The following RNF40 variants were observed in gnomAD, a reference collection of about 807,000 sequenced individuals.
The protein encoded by RNF40 is ring finger protein 40.
RNF40 carries 39 observed loss-of-function variants against 123.3 expected under a neutral mutation model. The ratio of observed to expected loss-of-function variants is 0.32; its 90% confidence interval spans 0.24 to 0.41. The LOEUF (loss-of-function observed/expected upper bound fraction) is 0.41, where lower values mean the gene tolerates loss of function less well. Among genes scored for constraint, RNF40 ranks in the 10% least tolerant of loss-of-function variants. RNF40 has a pLI of 1.00. For missense variants in RNF40, 1,003 were observed against 1,319.9 expected (o/e 0.76, Z 3.72); for synonymous variants, 538 against 526.0 (o/e 1.02, Z -0.31).
At position 30,766,621 on chromosome 16, in the gene RNF40, T is replaced by C. The variant is rs1456701899; in HGVS notation, c.1293+63T>C. 6.3e-7 allele frequency: 1 copy of C among 1,581,614 alleles called. No individual in the cohort carries two copies. Among genetic ancestry groups the C allele is most frequent in the East Asian group, 2.2e-5 (1 of 44,486 alleles). Reference sequence around the variant, plus strand: ...GCCAAACCGTTAGTGTTGACGTGTTTGTGCCTTCCGAGGCCCTGTGTGCCA... The same window carrying C: ...GCCAAACCGTTAGTGTTGACGTGTTCGTGCCTTCCGAGGCCCTGTGTGCCA... On this transcript the variant is annotated intron_variant, in intron 10 of 19. Coordinates refer to ENST00000324685, the MANE Select transcript of RNF40 (RefSeq NM_014771.4). This position sits in a 1 kb window ranked among gnomAD's most constrained non-coding sequence, Gnocchi z 5.4.
Position 30,773,954 on chromosome 16 carries a change from C to T in RNF40, c.2846C>T (p.Pro949Leu), listed in dbSNP as rs751954816. Residue 949 changes from proline (P) to leucine (L), a missense_variant, in exon 20 of 20, where the codon CCC becomes CTC. This residue lies in a region of RNF40 where 76 missense variants were observed against 134.1 expected (regional missense o/e 0.57). Coordinates refer to ENST00000324685, the MANE Select transcript of RNF40 (RefSeq NM_014771.4). ...IKEYKARLTC[P>L]CCNTRKKDAV... ...CTGGCCCAGGCGCGGTTGACCTGCC[C>T]CTGCTGTAACACCCGCAAGAAGGAT... The T allele has an allele frequency of 1.9e-5, 31 of 1,612,710 alleles. No homozygotes were observed. Among genetic ancestry groups the T allele is most frequent in the Non-Finnish European group, 2.5e-5 (29 of 1,178,954 alleles).
chr16:30,765,077 T>A lies in RNF40; in HGVS notation c.771+18T>A. 6.2e-7 allele frequency: 1 copy of A among 1,612,938 alleles called. No homozygotes were observed. Among genetic ancestry groups the A allele is most frequent in the Non-Finnish European group, 8.5e-7 (1 of 1,179,268 alleles). On this transcript the variant is annotated intron_variant, in intron 6 of 19. Transcript: ENST00000324685. ...CATTGGAGGTGAGGAGCCGGGGGCT[T>A]TGGGGGTGTGATTAGAATCAGGCAG...
In RNF40 at chr16:30,766,034, G is replaced by T; in HGVS notation, c.994-129G>T. The T allele has an allele frequency of 7.6e-7, 1 of 1,313,004 alleles. No homozygotes were observed. The highest frequency in any genetic ancestry group is 1.1e-6 in the Non-Finnish European group (1 of 930,320). 81.3% of individuals were successfully genotyped at this position (1,313,004 alleles called of 1,614,324 possible). A position where few individuals can be genotyped will look rare whatever the true frequency, so the allele number is the denominator to read the frequency against. Reference sequence around the variant, plus strand: ...TCTGGGAGCCCTTAGGAAAGTACTTGGTTTGGGGTGTCAGAATCGATCATT... The same window carrying T: ...TCTGGGAGCCCTTAGGAAAGTACTTTGTTTGGGGTGTCAGAATCGATCATT... On this transcript the variant is annotated intron_variant, in intron 8 of 19. Coordinates refer to ENST00000324685, the MANE Select transcript of RNF40 (RefSeq NM_014771.4). This position sits in a 1 kb window ranked among gnomAD's most constrained non-coding sequence, Gnocchi z 5.4.
chr16:30,769,278 G>A lies in RNF40; in HGVS notation c.2340G>A (p.Arg780=). The part of the protein sequence containing the change: ...EQNGRLLQQL[R]EKDDANFKLM... Reference sequence around the variant, plus strand: ...ACGGGCGGCTGCTACAGCAGTTGCGGGAAAAGGATGATGCCAACTTTAAGC... The same window carrying A: ...ACGGGCGGCTGCTACAGCAGTTGCGAGAAAAGGATGATGCCAACTTTAAGC... The change falls in exon 16 of 20, where the codon CGG becomes CGA. Residue 780 remains arginine, a synonymous_variant. Coordinates refer to ENST00000324685, the MANE Select transcript of RNF40 (RefSeq NM_014771.4). The A allele has an allele frequency of 6.2e-7, 1 of 1,614,218 alleles. No homozygotes were observed. The highest frequency in any genetic ancestry group is 8.5e-7 in the Non-Finnish European group (1 of 1,180,032).
At chr16:30,769,725 C>T in intron 17 of RNF40, 125 bp downstream of exon 17, 2 of 1,065,212 alleles carry the variant, frequency 1.9e-6, no homozygotes, top group Non-Finnish European at 2.6e-6. Flanking sequence ...ACAGCTCACA[C>T]ATATTGAACA....
At position 30,766,345 on chromosome 16, in the gene RNF40, T is replaced by G; in HGVS notation, c.1114-34T>G. On this transcript the variant is annotated intron_variant, in intron 9 of 19. Transcript: ENST00000324685. This position sits in a 1 kb window ranked among gnomAD's most constrained non-coding sequence, Gnocchi z 5.4. Reference sequence around the variant, plus strand: ...AAGGGAGGGACTGAGCCCTGAATCCTGTTGCTGATCCCATTTGGGCATCCC... The same window carrying G: ...AAGGGAGGGACTGAGCCCTGAATCCGGTTGCTGATCCCATTTGGGCATCCC... The G allele has an allele frequency of 1.9e-6, 3 of 1,612,472 alleles. No individual in the cohort carries two copies. Among genetic ancestry groups the G allele is most frequent in the Middle Eastern group, 3.3e-4 (2 of 6,056 alleles).
Position 30,775,301 on chromosome 16 carries a change from C to A in RNF40, c.*1187C>A. On this transcript the variant is annotated 3_prime_UTR_variant, in exon 20 of 20. Transcript: ENST00000324685. ...GCCTGGGAGGGCTCAGACTTAACGG[C>A]CGGCAGGGATCCCGGACTGGGCCTG... The A allele has an allele frequency of 3.3e-6, 1 of 301,192 alleles. No individual in the cohort carries two copies. Among genetic ancestry groups the A allele is most frequent in the Non-Finnish European group, 6.5e-6 (1 of 153,996 alleles). 18.7% of individuals were successfully genotyped at this position (301,192 alleles called of 1,614,324 possible).
chr16:30,765,372 G>A (rs775347995), intron 7 of RNF40, 45 bp downstream of exon 7: 1 of 1,614,056 alleles, frequency 6.2e-7, no homozygotes. Flanking sequence ...CTGGGCCCTT[G>A]GGCCTTAGCT....
Position 30,763,132 on chromosome 16 carries a change from G to A in RNF40, c.147G>A (p.Leu49=), listed in dbSNP as rs1338745019. 1.9e-6 allele frequency: 3 copies of A among 1,613,770 alleles called. No homozygotes were observed. The highest frequency in any genetic ancestry group is 1.7e-5 in the Admixed American group (1 of 60,004). The part of the protein sequence containing the change: ...GGISSTEEMD[L]KVLQFKNKKL... ...TCCTTTGGTAGGAGGAGATGGACCT[G>A]AAGGTACTACAGTTCAAGAACAAGA... The change falls in exon 3 of 20, where the codon CTG becomes CTA. Residue 49 remains leucine, a synonymous_variant. Transcript: ENST00000324685.
At chr16:30,771,549 G>A (rs1286643312) in intron 17 of RNF40, among the ~76,000 whole-genome samples, 10 of 152,092 alleles carry the variant, frequency 6.6e-5, no homozygotes, top group African/African-American at 1.9e-4. Context: ...CCCAGGAGTC[G>A]GAGGTTGCAG....
Position 30,766,588 on chromosome 16 carries a change from G to A in RNF40, c.1293+30G>A. 1 of 1,592,220 alleles carries A rather than the reference G, an allele frequency of 6.3e-7. No homozygotes were observed. Among genetic ancestry groups the A allele is most frequent in the Non-Finnish European group, 8.6e-7 (1 of 1,167,138 alleles). On this transcript the variant is annotated intron_variant, in intron 10 of 19. Transcript: ENST00000324685. This position sits in a 1 kb window ranked among gnomAD's most constrained non-coding sequence, Gnocchi z 5.4. ...GGCCCTGGAACAGGCGTTAGGGCTGGGCTAAGGGCCAAACCGTTAGTGTTG... is the reference window on the plus strand; with the variant it reads ...GGCCCTGGAACAGGCGTTAGGGCTGAGCTAAGGGCCAAACCGTTAGTGTTG...
At chr16:30,769,753 A>C (rs1456438079) in intron 17 of RNF40, among the ~76,000 whole-genome samples, 153 bp downstream of exon 17, 1 of 152,176 alleles carries the variant, frequency 6.6e-6, no homozygotes, top group East Asian at 1.9e-4. Flanking sequence ...GTGCCAGACC[A>C]CATGCTGAGT....
In RNF40 at chr16:30,763,497, C is replaced by G; in HGVS notation, c.380C>G (p.Thr127Ser). The change falls in exon 4 of 20, where the codon ACC becomes AGC. Residue 127 changes from threonine (T) to serine (S), a missense_variant. Coordinates refer to ENST00000324685, the MANE Select transcript of RNF40 (RefSeq NM_014771.4). ...TCTTCAGCGCCTGAGGCACCTGGGA[C>G]CCAGGAGGGGCCAACATGTGATGGG... ...ELSSAPEAPG[T>S]QEGPTCDGTP... is the part of the protein sequence containing the mutation. 3 of 1,614,016 alleles carry G rather than the reference C, an allele frequency of 1.9e-6. No individual in the cohort carries two copies. The highest frequency in any genetic ancestry group is 2.5e-6 in the Non-Finnish European group (3 of 1,179,976).
chr16:30,772,819 G>A (rs1380114984), intron 19 of RNF40, among the ~76,000 whole-genome samples: 1 of 152,190 alleles, frequency 6.6e-6, no homozygotes, highest in Admixed American at 6.5e-5. Context: ...TGTTGGTTTT[G>A]GGCTGGAAGA....
rs1213578441 is a variant in RNF40, at chr16:30,762,355, C to T, written c.-77C>T. On this transcript the variant is annotated 5_prime_UTR_variant, in exon 1 of 20. Coordinates refer to ENST00000324685, the MANE Select transcript of RNF40 (RefSeq NM_014771.4). ...AGATGGCGGCGCTAGGCTGACCCTCCTGCTGGTGAGGGCTCTGGCGCCGGG... is the reference window on the plus strand; with the variant it reads ...AGATGGCGGCGCTAGGCTGACCCTCTTGCTGGTGAGGGCTCTGGCGCCGGG... The T allele has an allele frequency of 3.5e-6, 2 of 575,066 alleles. No individual in the cohort carries two copies. Among genetic ancestry groups the T allele is most frequent in the Non-Finnish European group, 5.8e-6 (2 of 347,318 alleles). 35.6% of individuals were successfully genotyped at this position (575,066 alleles called of 1,614,324 possible).
At chr16:30,764,800 T>TA in intron 5 of RNF40, 138 bp from the exon 6 acceptor site, 1 of 1,260,014 alleles carries the variant, frequency 7.9e-7, no homozygotes, top group Non-Finnish European at 1.1e-6. Context: ...GCAGTGGGGA[T>TA]AAAGACTCCT....
intron 4 of RNF40, 72 bp downstream of exon 4, chr16:30,763,631 G>T: frequency 6.6e-7 from 1 of 1,524,554 alleles, no homozygotes; most frequent in Non-Finnish European, 8.9e-7. Flanking sequence ...GGACTTTGGT[G>T]TTGGGCCCCT....
At position 30,763,448 on chromosome 16, in the gene RNF40, T is replaced by C; in HGVS notation, c.331T>C (p.Cys111Arg). Residue 111 changes from cysteine (C) to arginine (R), a missense_variant, in exon 4 of 20, where the codon TGC becomes CGC. Physicochemically the swap from Cys to Arg is radical, Grantham distance 180. Transcript: ENST00000324685. ...TGAAACTGTGGAAGCCCTTCTCCGA[T>C]GCCATGAGAGCCAGGGGGAGCTGTC... Reference protein sequence around the residue: ...LDETVEALLRCHESQGELSSA... With the variant: ...LDETVEALLRRHESQGELSSA... The C allele has an allele frequency of 7.5e-6, 12 of 1,609,596 alleles. No individual in the cohort carries two copies. Among genetic ancestry groups the C allele is most frequent in the Non-Finnish European group, 1.0e-5 (12 of 1,178,216 alleles).
rs191498731 is a variant in RNF40, at chr16:30,770,924, C to A, written c.2587-909C>A. 2.5e-3 allele frequency among the ~76,000 whole-genome samples: 374 copies of A among 152,254 alleles called. 3 individuals are homozygous for A. The highest frequency in any genetic ancestry group is 2.2e-3 in the Non-Finnish European group (149 of 68,022). The stretch of plus-strand genomic sequence containing the variant: ...ACGGGGTTTCACTGTGTTTGCCAGG[C>A]TGGTCTCAAACTCCTGACATCGTGA... On this transcript the variant is annotated intron_variant, in intron 17 of 19. Transcript: ENST00000324685.
Sources: allele counts gnomAD v4.1 joint callset (sites outside exome capture counted in the v4.1 genomes callset), GRCh38; gene constraint gnomAD v4.1.1; regional missense constraint gnomAD v4.1.1; non-coding constraint Gnocchi (gnomAD v3.1); transcripts MANE v1.5; gene names NCBI Gene and HGNC (gene_info 2026-07-23, HGNC 2026-07-21).